VPS26C: variants seen among roughly 807,000 people sequenced by gnomAD.
The protein encoded by VPS26C is VPS26 endosomal protein sorting factor C.
In VPS26C, 19 loss-of-function variants were observed where a neutral mutation model predicts 30.6. The observed-to-expected ratio is 0.62, with a 90% CI of 0.43 to 0.91. The LOEUF is 0.91. Among genes scored for constraint, VPS26C ranks in the 40% least tolerant of loss-of-function variants. VPS26C has a pLI of 0.00. For missense variants in VPS26C, 318 were observed against 385.1 expected (o/e 0.83, Z 1.46); for synonymous variants, 132 against 151.5 (o/e 0.87, Z 0.95).
At chr21:37,237,039 C>T (rs900227038) in intron 3 of VPS26C, among the ~76,000 whole-genome samples, 5 of 152,164 alleles carry the variant, frequency 3.3e-5, no homozygotes, top group African/African-American at 1.2e-4. Context: ...CCATGGCCTC[C>T]CAAAGTGCAG....
At chr21:37,254,537 G>A (rs983946898) in intron 1 of VPS26C, among the ~76,000 whole-genome samples, 3 of 152,074 alleles carry the variant, frequency 2.0e-5, no homozygotes, top group Admixed American at 1.3e-4. Context: ...CAGGCTGGGT[G>A]CGGTGGCTCA....
Position 37,232,538 on chromosome 21 carries a change from A to G in VPS26C, c.433-87T>C. 1.8e-6 allele frequency: 2 copies of G among 1,139,770 alleles called. 1 individual carries two copies. The highest frequency in any genetic ancestry group is 2.5e-5 in the South Asian group (2 of 79,376). 70.6% of individuals were successfully genotyped at this position (1,139,770 alleles called of 1,614,324 possible). A position where few individuals can be genotyped will look rare whatever the true frequency, so the allele number is the denominator to read the frequency against. On this transcript the variant is annotated intron_variant, in intron 4 of 7. Transcript: ENST00000309117. ...GCTTTTCCCTTTCAAAAATAAACCAACGGCAGCCTGGCGATGCAGGAAGGA... is the reference window on the plus strand; with the variant it reads ...GCTTTTCCCTTTCAAAAATAAACCAGCGGCAGCCTGGCGATGCAGGAAGGA...
In VPS26C at chr21:37,257,865, C is replaced by T. The variant is rs1395130372; in HGVS notation, c.57+9373G>A. Among the ~76,000 whole-genome samples, 1 of 152,194 alleles carries T rather than the reference C, an allele frequency of 6.6e-6. No homozygotes were observed. Among genetic ancestry groups the T allele is most frequent in the Non-Finnish European group, 1.5e-5 (1 of 68,036 alleles). ...AGTCCAGACAGAACGATGGGCTCTG[C>T]TGCCTCCGGGTGGGGCACCAAGCGG... On this transcript the variant is annotated intron_variant, in intron 1 of 7. Coordinates refer to ENST00000309117, the MANE Select transcript of VPS26C (RefSeq NM_006052.2). This position sits in a 1 kb window ranked among gnomAD's most constrained non-coding sequence, Gnocchi z 4.2.
intron 1 of VPS26C, among the ~76,000 whole-genome samples, chr21:37,266,550 GA>G (rs1476993792): frequency 6.6e-6 from 1 of 152,222 alleles, no homozygotes; most frequent in Admixed American, 6.5e-5. Flanking sequence ...CGAGTTAGAG[GA>G]ACCTTACAAC....
chr21:37,225,628 T>TAA lies in VPS26C; in HGVS notation c.812-3_812-2insTT. On this transcript the variant is annotated splice_region_variant and splice_polypyrimidine_tract_variant and intron_variant, in intron 7 of 7. Coordinates refer to ENST00000309117, the MANE Select transcript of VPS26C (RefSeq NM_006052.2). Reference sequence around the variant, plus strand: ...GCACCACGATGTTAACCTCAAATTCTGAGAAGAGAAGAGAGGGTGGGTTTG... The same window carrying TAA: ...GCACCACGATGTTAACCTCAAATTCTAAGAGAAGAGAAGAGAGGGTGGGTTTG... The TAA allele has an allele frequency of 6.2e-7, 1 of 1,613,370 alleles. No homozygotes were observed. The highest frequency in any genetic ancestry group is 1.1e-5 in the South Asian group (1 of 91,058).
At chr21:37,230,782 C>T (rs1310946806) in intron 5 of VPS26C, 2 of 152,328 alleles carry the variant, frequency 1.3e-5, no homozygotes, top group South Asian at 2.1e-4. Flanking sequence ...CGGGTGTGCT[C>T]GCAGGGCGTG....
At chr21:37,228,422 A>T (rs745869938) in intron 5 of VPS26C, 49 bp from the exon 6 acceptor site, 63 of 1,600,636 alleles carry the variant, frequency 3.9e-5, no homozygotes, top group Non-Finnish European at 4.7e-5. Flanking sequence ...AAGGGGGGAA[A>T]GTGCTCCATA....
rs778843942 is a variant in VPS26C, at chr21:37,227,680, G to A, written c.785C>T (p.Thr262Ile). ...CACTTTGAAGTTGGTGGTCTCCAGT[G>A]TAGGGCAGGTGAACAGCCTAGGGAA... ...MVFPRLFTCP[T>I]LETTNFKVEF... is the part of the protein sequence containing the mutation. Residue 262 changes from threonine (T) to isoleucine (I), a missense_variant, in exon 7 of 8, where the codon ACA (threonine) becomes ATA (isoleucine). Transcript: ENST00000309117. 1 of 1,614,206 alleles carries A rather than the reference G, an allele frequency of 6.2e-7. No homozygotes were observed. The highest frequency in any genetic ancestry group is 1.1e-5 in the South Asian group (1 of 91,088).
At position 37,227,788 on chromosome 21, in the gene VPS26C, G is replaced by C. The variant is rs376716238; in HGVS notation, c.677C>G (p.Ala226Gly). 1 of 1,613,920 alleles carries C rather than the reference G, an allele frequency of 6.2e-7. No individual in the cohort carries two copies. The highest frequency in any genetic ancestry group is 1.3e-5 in the African/African-American group (1 of 74,934). The change falls in exon 7 of 8, where the codon GCC (alanine) becomes GGC (glycine). Residue 226 changes from alanine to glycine, a missense_variant. Physicochemically the swap from Ala to Gly is moderately conservative, Grantham distance 60 (BLOSUM62 0). Transcript: ENST00000309117. ...GTTCTGAATCTCCGTGGCGTCGCGG[G>C]CATAGCCTTCTGCACACCCTGCGGG... ...VETCGCAEGY[A>G]RDATEIQNIQ...
chr21:37,260,084 T>A (rs2086288942), intron 1 of VPS26C, among the ~76,000 whole-genome samples: 1 of 152,102 alleles, frequency 6.6e-6, no homozygotes. Context: ...AATCCTGGAT[T>A]TAGGAATAAA....
At chr21:37,249,911 A>G (rs1404641164) in intron 1 of VPS26C, among the ~76,000 whole-genome samples, 1 of 152,230 alleles carries the variant, frequency 6.6e-6, no homozygotes, top group Non-Finnish European at 1.5e-5. Context: ...ACAGTATGGG[A>G]AGCTAATGTT....
At chr21:37,245,197 G>A (rs2086125234) in intron 1 of VPS26C, among the ~76,000 whole-genome samples, 1 of 152,232 alleles carries the variant, frequency 6.6e-6, no homozygotes, top group Admixed American at 6.5e-5. Context: ...AAGTGAGGAA[G>A]GAGAGAAATA....
Position 37,240,476 on chromosome 21 carries a change from A to G in VPS26C, c.201+20T>C. On this transcript the variant is annotated intron_variant, in intron 2 of 7. Transcript: ENST00000309117. ...TTCAATATTGAACTAAAAACTTGCA[A>G]TCTAAGCATTCTTTCTTACCTTAAC... 2 of 1,613,224 alleles carry G rather than the reference A, an allele frequency of 1.2e-6. No homozygotes were observed. Among genetic ancestry groups the G allele is most frequent in the Non-Finnish European group, 1.7e-6 (2 of 1,179,698 alleles).
chr21:37,227,830 G>T (rs776971386), intron 6 of VPS26C, 24 bp from the exon 7 acceptor site: 2 of 1,579,224 alleles, frequency 1.3e-6, no homozygotes, highest in Non-Finnish European at 1.7e-6. Context: ...GCCACATCAC[G>T]CGGTCAGGGC....
At position 37,247,336 on chromosome 21, in the gene VPS26C, A is replaced by G. The variant is rs116532703; in HGVS notation, c.58-6697T>C. Among the ~76,000 whole-genome samples the G allele has an allele frequency of 5.2e-3, 797 of 152,354 alleles. 13 individuals carry two copies. Among genetic ancestry groups the G allele is most frequent in the African/African-American group, 0.018 (769 of 41,582 alleles). Reference sequence around the variant, plus strand: ...CTATAAGTAACTAAGATCAGGTAGTAGCGGGAAGAAAGGGAAAAGGAAAGA... The same window carrying G: ...CTATAAGTAACTAAGATCAGGTAGTGGCGGGAAGAAAGGGAAAAGGAAAGA... On this transcript the variant is annotated intron_variant, in intron 1 of 7. Coordinates refer to ENST00000309117, the MANE Select transcript of VPS26C (RefSeq NM_006052.2).
At chr21:37,265,921 T>C (rs901369567) in intron 1 of VPS26C, among the ~76,000 whole-genome samples, 4 of 142,638 alleles carry the variant, frequency 2.8e-5, no homozygotes, top group Non-Finnish European at 4.6e-5. Flanking sequence ...TTTTTTTTTT[T>C]TTTTTTTTTT....
intron 5 of VPS26C, chr21:37,231,529 C>T (rs1452810789): frequency 6.6e-6 from 1 of 152,420 alleles, no homozygotes; most frequent in Non-Finnish European, 1.5e-5. Context: ...TGTCCAGCCT[C>T]TGAGGGATGA....
chr21:37,236,300 C>T (rs1015645009), intron 3 of VPS26C, among the ~76,000 whole-genome samples: 17 of 152,010 alleles, frequency 1.1e-4, no homozygotes, highest in Non-Finnish European at 1.5e-4. Context: ...CGTCTCTGGG[C>T]GGCACTTGCT....
intron 3 of VPS26C, among the ~76,000 whole-genome samples, chr21:37,235,188 T>C (rs1479832107): frequency 6.6e-6 from 1 of 152,170 alleles, no homozygotes; most frequent in African/African-American, 2.4e-5. Context: ...TGTATTTTAG[T>C]AGAGATGGGG....
Sources: gnomAD v4.1 joint callset for allele counts (sites outside exome capture counted in the v4.1 genomes callset) on GRCh38, gnomAD v4.1.1 for gene constraint, Gnocchi (gnomAD v3.1) non-coding constraint, MANE v1.5 for transcripts, NCBI Gene and HGNC (gene_info 2026-07-23, HGNC 2026-07-21) for gene names.